TNFAIP2: variants seen among roughly 807,000 people sequenced by gnomAD.
TNFAIP2 encodes the protein tumor necrosis factor alpha-induced protein 2.
A neutral mutation model predicts 63.5 loss-of-function variants in TNFAIP2; 47 were observed. The ratio of observed to expected loss-of-function variants is 0.74; its 90% CI spans 0.59 to 0.94. TNFAIP2 has a LOEUF of 0.94. Ranked by LOEUF, TNFAIP2 falls within the 40% of genes least tolerant of loss-of-function variation. The pLI, the probability that TNFAIP2 is intolerant of heterozygous loss-of-function variation, is 0.00. For missense variants in TNFAIP2, 787 were observed against 850.2 expected, an observed-to-expected ratio of 0.93 and a Z score of 0.92; for synonymous variants, 405 against 390.2, an observed-to-expected ratio of 1.04 and a Z score of -0.45.
chr14:103,126,286 G>A (rs1311107217), intron 1 of TNFAIP2, 24 bp from the exon 2 acceptor site: 2 of 583,010 alleles, frequency 3.4e-6, no homozygotes, highest in Non-Finnish European at 6.2e-6. Context: ...GGTGACCACT[G>A]ATGCCTTCAC....
Position 103,129,732 on chromosome 14 carries a change from G to A in TNFAIP2, c.861-8G>A, listed in dbSNP as rs769619760. On this transcript the variant is annotated splice_polypyrimidine_tract_variant and splice_region_variant and intron_variant, in intron 3 of 11. Coordinates refer to ENST00000560869, the MANE Select transcript of TNFAIP2 (RefSeq NM_006291.4). ...AGTTGTCCTCATGCCAGCCTCCCCT[G>A]CCTGCAGTGACATCATCAACAGCCC... The A allele has an allele frequency of 6.2e-7, 1 of 1,612,924 alleles. No individual in the cohort carries two copies. Among genetic ancestry groups the A allele is most frequent in the Non-Finnish European group, 8.5e-7 (1 of 1,179,038 alleles).
At chr14:103,124,852 G>A (rs1195396083) in intron 1 of TNFAIP2, among the ~76,000 whole-genome samples, 3 of 152,226 alleles carry the variant, frequency 2.0e-5, no homozygotes, top group Non-Finnish European at 2.9e-5. Flanking sequence ...AGGAGTGTGG[G>A]ACTCTGCCCA....
At chr14:103,126,972 G>A (rs1181510118) in intron 2 of TNFAIP2, 33 bp from the exon 3 acceptor site, 2 of 1,250,852 alleles carry the variant, frequency 1.6e-6, no homozygotes, top group Non-Finnish European at 2.0e-6. Flanking sequence ...GCGGTGGGCT[G>A]GGGCCGGGGC....
At position 103,132,603 on chromosome 14, in the gene TNFAIP2, C is replaced by T. The variant is rs8176391; in HGVS notation, c.1423-147C>T. ...TGTGAGCAGGGACCTGAGGTTGGCC[C>T]GGGTTCCCTGGGAGTCCTTGAGTGC... On this transcript the variant is annotated intron_variant, in intron 8 of 11. Coordinates refer to ENST00000560869, the MANE Select transcript of TNFAIP2 (RefSeq NM_006291.4). 1,561 of 1,250,684 alleles carry T rather than the reference C, an allele frequency of 1.2e-3. 17 individuals are homozygous for T. The African/African-American group carries it at 0.018, about 14-fold the overall frequency. 77.5% of individuals were successfully genotyped at this position (1,250,684 alleles called of 1,614,324 possible).
upstream of TNFAIP2, chr14:103,122,485 CAG>C: frequency 2.8e-6 from 1 of 353,856 alleles, no homozygotes; most frequent in South Asian, 2.0e-5. Flanking sequence ...GGGTCCTTTC[CAG>C]AGGGCAGGAA....
rs2087970791 is a variant in TNFAIP2 at position 103,131,421 on chromosome 14, G to A, written c.1299-218G>A. 1.3e-5 allele frequency among the ~76,000 whole-genome samples: 2 copies of A among 152,206 alleles called. No homozygotes were observed. Among genetic ancestry groups the A allele is most frequent in the Non-Finnish European group, 2.9e-5 (2 of 68,034 alleles). On this transcript the variant is annotated intron_variant, in intron 7 of 11. Coordinates refer to ENST00000560869, the MANE Select transcript of TNFAIP2 (RefSeq NM_006291.4). The surrounding 1 kb of genome is among the most constrained non-coding windows in gnomAD (Gnocchi z 4.0). ...AGTGATCTGTCTATTAGGCAGATGGGCAAACCACTGGAGGAGGCTCACTTG... is the reference window on the plus strand; with the variant it reads ...AGTGATCTGTCTATTAGGCAGATGGACAAACCACTGGAGGAGGCTCACTTG...
chr14:103,130,847 A>C (rs2087957472), intron 6 of TNFAIP2, among the ~76,000 whole-genome samples: 1 of 152,180 alleles, frequency 6.6e-6, no homozygotes, highest in Non-Finnish European at 1.5e-5. Context: ...GGAGCAGCAG[A>C]GATGGGCTGG....
rs952948147 is a variant in TNFAIP2 at position 103,131,341 on chromosome 14, A to G, written c.1298+191A>G. Among the ~76,000 whole-genome samples, 1 of 152,234 alleles carries G rather than the reference A, an allele frequency of 6.6e-6. No individual in the cohort carries two copies. The highest frequency in any genetic ancestry group is 2.4e-5 in the African/African-American group (1 of 41,450). ...CAAGTGCTGGCTGGGGCAAGCACAC[A>G]GGCAGATGTTTCACCCATTATCTTA... On this transcript the variant is annotated intron_variant, in intron 7 of 11. Transcript: ENST00000560869. This position sits in a 1 kb window ranked among gnomAD's most constrained non-coding sequence, Gnocchi z 4.0.
chr14:103,129,395 C>T (rs1052250011), intron 3 of TNFAIP2, among the ~76,000 whole-genome samples: 5 of 151,300 alleles, frequency 3.3e-5, no homozygotes, highest in Non-Finnish European at 7.4e-5. Context: ...GCAGAGAGGC[C>T]GGGAGGAGGC....
Position 103,133,510 on chromosome 14 carries a change from C to T in TNFAIP2, c.1694C>T (p.Thr565Ile), listed in dbSNP as rs2229727. Residue 565 changes from threonine to isoleucine, a missense_variant, in exon 10 of 12, where the codon ACC becomes ATC. Transcript: ENST00000560869. ...ANADTIQHFCTQHGSPATWLQ... is the reference protein window; with the variant it reads ...ANADTIQHFCIQHGSPATWLQ... The stretch of plus-strand genomic sequence containing the variant: ...GCTGACACCATCCAGCACTTCTGCA[C>T]CCAGCACGTAAGCCGCTGCCCACCT... 7,209 of 1,613,626 alleles carry T rather than the reference C, an allele frequency of 4.5e-3. 272 individuals are homozygous for T. In the African/African-American group the frequency reaches 0.086, roughly 19 times the overall value.
rs886936869 is a variant in TNFAIP2 at position 103,133,034 on chromosome 14, G to A, written c.1545+162G>A. The stretch of plus-strand genomic sequence containing the variant: ...TGAACACGTGCACATGTGAACACAC[G>A]TGAAGGCACGAACATGTGAACGCAC... On this transcript the variant is annotated intron_variant, in intron 9 of 11. Coordinates refer to ENST00000560869, the MANE Select transcript of TNFAIP2 (RefSeq NM_006291.4). 3.3e-5 allele frequency among the ~76,000 whole-genome samples: 5 copies of A among 152,200 alleles called. No homozygotes were observed. In the South Asian group the frequency reaches 6.2e-4, roughly 19 times the overall value.
chr14:103,126,408 G>C lies in TNFAIP2; in HGVS notation c.-50G>C. On this transcript the variant is annotated 5_prime_UTR_variant, in exon 2 of 12. Coordinates refer to ENST00000560869, the MANE Select transcript of TNFAIP2 (RefSeq NM_006291.4). ...GTGCCAGGCACCCTCGACTTGCCTA[G>C]AGGCCCCCAAAAGTTGCAGTCCACA... 7.1e-7 allele frequency: 1 copy of C among 1,416,180 alleles called. No individual in the cohort carries two copies. The highest frequency in any genetic ancestry group is 9.5e-7 in the Non-Finnish European group (1 of 1,048,244). 87.7% of individuals were successfully genotyped at this position (1,416,180 alleles called of 1,614,324 possible).
chr14:103,133,840 C>T, intron 11 of TNFAIP2, 37 bp downstream of exon 11: 1 of 1,557,912 alleles, frequency 6.4e-7, no homozygotes, highest in African/African-American at 1.4e-5. Flanking sequence ...ACTGTCACAT[C>T]ACTGTGGCCA....
At chr14:103,124,592 C>T (rs1264637833) in intron 1 of TNFAIP2, 1 of 152,576 alleles carries the variant, frequency 6.6e-6, no homozygotes, top group Admixed American at 6.5e-5. Context: ...GGGCCACCCT[C>T]CCCCACCCCA....
Position 103,132,734 on chromosome 14 carries a change from G to A in TNFAIP2, c.1423-16G>A. The A allele has an allele frequency of 6.2e-7, 1 of 1,610,004 alleles. No individual in the cohort carries two copies. The highest frequency in any genetic ancestry group is 8.5e-7 in the Non-Finnish European group (1 of 1,178,430). On this transcript the variant is annotated splice_polypyrimidine_tract_variant and intron_variant, in intron 8 of 11. Coordinates refer to ENST00000560869, the MANE Select transcript of TNFAIP2 (RefSeq NM_006291.4). ...TCTCCAGGGCGTGACTAGACATCCT[G>A]CCTCTCCTGTCTCAGCCACTGTTCA...
In TNFAIP2 at chr14:103,126,443, G is replaced by C; in HGVS notation, c.-15G>C. The stretch of plus-strand genomic sequence containing the variant: ...AAAGTTGCAGTCCACATCAGAGGCA[G>C]AGTCAGAGGCCTCCATGTCGGAGGC... On this transcript the variant is annotated 5_prime_UTR_variant, in exon 2 of 12. Transcript: ENST00000560869. 6.4e-7 allele frequency: 1 copy of C among 1,564,904 alleles called. No individual in the cohort carries two copies. The highest frequency in any genetic ancestry group is 8.6e-7 in the Non-Finnish European group (1 of 1,160,020).
At chr14:103,126,170 CAGG>C (rs531088746) in intron 1 of TNFAIP2, 137 bp from the exon 2 acceptor site, 174 of 257,828 alleles carry the variant, frequency 6.7e-4, no homozygotes, top group African/African-American at 3.6e-3. Flanking sequence ...TCATCTGGGC[CAGG>C]AGATGAGCAG....
intron 3 of TNFAIP2, among the ~76,000 whole-genome samples, chr14:103,129,063 G>A (rs931901991): frequency 1.3e-5 from 2 of 152,238 alleles, no homozygotes; most frequent in Non-Finnish European, 2.9e-5. Flanking sequence ...TGCCAGGGCT[G>A]GGCAGTCCCC....
upstream of TNFAIP2, among the ~76,000 whole-genome samples, chr14:103,122,051 G>C (rs1891126901): frequency 6.6e-6 from 1 of 152,320 alleles, no homozygotes; most frequent in South Asian, 2.1e-4. Flanking sequence ...GCCGGTGGAA[G>C]GACCCTCCCA....
Sources: allele counts gnomAD v4.1 joint callset (sites outside exome capture counted in the v4.1 genomes callset), GRCh38; gene constraint gnomAD v4.1.1; non-coding constraint Gnocchi (gnomAD v3.1); transcripts MANE v1.5; gene names NCBI Gene and HGNC (gene_info 2026-07-23, HGNC 2026-07-21).